Variants in CHST8 observed in about 807,000 individuals in gnomAD.
CHST8 encodes carbohydrate sulfotransferase 8.
CHST8 carries 10 observed loss-of-function variants against 15.0 expected under a neutral mutation model. The ratio of observed to expected loss-of-function variants is 0.67; its 90% CI spans 0.41 to 1.13. The LOEUF is 1.13. Among genes scored for constraint, CHST8 ranks in the 50% most tolerant of loss-of-function variants. The pLI, the probability that CHST8 is intolerant of heterozygous loss-of-function variation, is 0.00. For synonymous variants in CHST8, 259 were observed against 256.6 expected (o/e 1.01, Z -0.09); for missense variants, 634 against 608.2 (o/e 1.04, Z -0.45).
rs1346250221 is a variant in CHST8 at position 33,757,438 on chromosome 19, GAA to G, written c.131-13973_131-13972del. 1.1e-3 allele frequency among the ~76,000 whole-genome samples: 22 copies of G among 20,258 alleles called. 4 individuals are homozygous for G. The highest frequency in any genetic ancestry group is 7.8e-4 in the African/African-American group (4 of 5,160). 13.3% of individuals were successfully genotyped at this position (20,258 alleles called of 152,430 possible). On this transcript the variant is annotated intron_variant, in intron 3 of 4. Coordinates refer to ENST00000650847, the MANE Select transcript of CHST8 (RefSeq NM_001127895.2). ...AGAAAGAAAGAAAGAAAGAAAGAAA[GAA>G]AGAAAGAAAGAAAGAAAGAAAGAAA... is the stretch of plus-strand genomic sequence containing the variant.
intron 3 of CHST8, among the ~76,000 whole-genome samples, chr19:33,765,797 G>A (rs1343178513): frequency 3.3e-5 from 5 of 151,962 alleles, no homozygotes; most frequent in Non-Finnish European, 5.9e-5. Context: ...TTGTGGTCTC[G>A]CGATCCACCT....
intron 2 of CHST8, among the ~76,000 whole-genome samples, chr19:33,686,109 G>A (rs1396351039): frequency 6.6e-6 from 1 of 152,152 alleles, no homozygotes; most frequent in Non-Finnish European, 1.5e-5. Context: ...GCTAAACCCT[G>A]AAGCCACAGA....
chr19:33,627,678 G>T (rs1176956292), intron 1 of CHST8, among the ~76,000 whole-genome samples: 2 of 152,174 alleles, frequency 1.3e-5, no homozygotes, highest in Non-Finnish European at 2.9e-5. Context: ...ACATTTATTT[G>T]AACTAAATTA....
chr19:33,641,660 T>G (rs1972285545), intron 1 of CHST8, among the ~76,000 whole-genome samples: 1 of 149,802 alleles, frequency 6.7e-6, no homozygotes, highest in African/African-American at 2.5e-5. Context: ...GAGGGGGTTC[T>G]GGACAGCCCA....
At chr19:33,654,352 G>C (rs1249927111) in intron 1 of CHST8, among the ~76,000 whole-genome samples, 1 of 151,916 alleles carries the variant, frequency 6.6e-6, no homozygotes. Flanking sequence ...CTTTCTGCTT[G>C]TTTATCAGCT....
chr19:33,632,749 G>A (rs1314056699), intron 1 of CHST8, among the ~76,000 whole-genome samples: 1 of 32,204 alleles, frequency 3.1e-5, no homozygotes, highest in African/African-American at 1.0e-4. Context: ...GGTTTTCCTT[G>A]TGTGTGTGTG....
chr19:33,669,989 TC>T (rs1972715869), intron 2 of CHST8, among the ~76,000 whole-genome samples: 1 of 152,190 alleles, frequency 6.6e-6, no homozygotes, highest in Non-Finnish European at 1.5e-5. Context: ...TTAAGGGTGT[TC>T]CAGAAATGCC....
At chr19:33,761,861 G>T (rs1181866570) in intron 3 of CHST8, among the ~76,000 whole-genome samples, 1 of 151,954 alleles carries the variant, frequency 6.6e-6, no homozygotes, top group Non-Finnish European at 1.5e-5. Flanking sequence ...GGAAGTGGGG[G>T]AGGGAGAGAG....
chr19:33,697,340 C>T (rs1973237704), intron 3 of CHST8, among the ~76,000 whole-genome samples: 1 of 152,070 alleles, frequency 6.6e-6, no homozygotes, highest in South Asian at 2.1e-4. Flanking sequence ...AGTGATCCTC[C>T]CATCTCAGCC....
At chr19:33,635,150 A>G (rs1297962679) in intron 1 of CHST8, among the ~76,000 whole-genome samples, 1 of 152,174 alleles carries the variant, frequency 6.6e-6, no homozygotes, top group African/African-American at 2.4e-5. Context: ...GAGCTTTTCC[A>G]ACACCGTCTT....
At chr19:33,750,877 C>G (rs1279287108) in intron 3 of CHST8, among the ~76,000 whole-genome samples, 1 of 152,024 alleles carries the variant, frequency 6.6e-6, no homozygotes, top group Non-Finnish European at 1.5e-5. Context: ...ACTGGTACCC[C>G]TCAGCAGCAG....
chr19:33,717,972 A>T (rs950569594), intron 3 of CHST8, among the ~76,000 whole-genome samples: 1 of 152,146 alleles, frequency 6.6e-6, no homozygotes, highest in African/African-American at 2.4e-5. Flanking sequence ...TTCATTCTAT[A>T]CCAAACGGAC....
intron 3 of CHST8, among the ~76,000 whole-genome samples, chr19:33,715,635 A>C (rs1420167735): frequency 1.3e-5 from 2 of 152,140 alleles, no homozygotes. Flanking sequence ...GATCTTCAGC[A>C]GGCAGATGAC....
In CHST8 at chr19:33,771,979, A is replaced by C; in HGVS notation, c.191A>C (p.Gln64Pro). The change falls in exon 5 of 5, where the codon CAG becomes CCG. Residue 64 changes from glutamine to proline, a missense_variant. By Grantham distance (76) the Gln-to-Pro change is moderately conservative. Transcript: ENST00000650847. ...CAGGACCTCCCACCAGGCGGCTCCC[A>C]GGATGGTGACTTGAAGGAACCCACA... ...PHHDLPPGGS[Q>P]DGDLKEPTER... 6.3e-7 allele frequency: 1 copy of C among 1,577,782 alleles called. No homozygotes were observed. Among genetic ancestry groups the C allele is most frequent in the Non-Finnish European group, 8.6e-7 (1 of 1,165,048 alleles).
chr19:33,657,465 T>G (rs1972525846), intron 1 of CHST8, among the ~76,000 whole-genome samples: 1 of 149,188 alleles, frequency 6.7e-6, no homozygotes, highest in Non-Finnish European at 1.5e-5. Context: ...GATGGGGGGG[T>G]TTCGTTATGT....
intron 3 of CHST8, 74 bp downstream of exon 3, chr19:33,689,465 C>T (rs1973055632): frequency 6.9e-7 from 1 of 1,442,624 alleles, no homozygotes; most frequent in South Asian, 1.5e-5. Context: ...CCACAGCTGC[C>T]CTGGTGTGCT....
intron 1 of CHST8, among the ~76,000 whole-genome samples, chr19:33,632,142 T>C (rs1412758574): frequency 5.0e-4 from 74 of 149,086 alleles, no homozygotes; most frequent in South Asian, 3.0e-3. Context: ...TCTCTCTCTT[T>C]TTTTTTTTTT....
intron 3 of CHST8, among the ~76,000 whole-genome samples, chr19:33,748,065 C>T (rs531242589): frequency 6.6e-6 from 1 of 152,282 alleles, no homozygotes; most frequent in Non-Finnish European, 1.5e-5. Context: ...AGAGCTGTCC[C>T]GTCCAGTGCT....
At chr19:33,627,098 T>TGGG (rs71181368) in intron 1 of CHST8, among the ~76,000 whole-genome samples, 26 of 68,716 alleles carry the variant, frequency 3.8e-4, no homozygotes, top group African/African-American at 8.3e-4. Flanking sequence ...CCTCTTTTTT[T>TGGG]GGGGGGGGGG....
Sources: allele counts gnomAD v4.1 joint callset (sites outside exome capture counted in the v4.1 genomes callset), GRCh38; gene constraint gnomAD v4.1.1; transcripts MANE v1.5; gene names NCBI Gene and HGNC (gene_info 2026-07-23, HGNC 2026-07-21).